Variants in C10orf67 observed in about 807,000 individuals in gnomAD.
C10orf67 encodes the protein chromosome 10 open reading frame 67, also known as uncharacterized protein C10orf67, mitochondrial.
A neutral mutation model predicts 35.6 loss-of-function variants in C10orf67; 60 were observed. The ratio of observed to expected loss-of-function variants is 1.68; its 90% CI spans 1.37 to 2.09. The LOEUF (loss-of-function observed/expected upper bound fraction) is 2.09, where lower values mean the gene tolerates loss of function less well. C10orf67 is among the 30% of genes most tolerant of loss of function. C10orf67 has a pLI of 0.00. For synonymous variants in C10orf67, 167 were observed against 115.8 expected, an observed-to-expected ratio of 1.44 and a Z score of -2.84; for missense variants, 474 against 330.2, an observed-to-expected ratio of 1.44 and a Z score of -3.38.
intron 13 of C10orf67, among the ~76,000 whole-genome samples, chr10:23,230,414 A>C (rs1047706919): frequency 6.6e-5 from 10 of 152,178 alleles, no homozygotes; most frequent in Non-Finnish European, 5.9e-5. Context: ...ACTCTTTTTA[A>C]AGAAGGCAGA....
At chr10:23,266,813 C>T (rs996214509) in intron 9 of C10orf67, among the ~76,000 whole-genome samples, 1 of 152,140 alleles carries the variant, frequency 6.6e-6, no homozygotes, top group Non-Finnish European at 1.5e-5. Context: ...TCCTGATGCC[C>T]CGCTAGCTGG....
At chr10:23,293,498 C>A in intron 5 of C10orf67, among the ~76,000 whole-genome samples, 1 of 152,166 alleles carries the variant, frequency 6.6e-6, no homozygotes, top group Middle Eastern at 3.2e-3. Flanking sequence ...GCCCACACTG[C>A]TAGTTTGTGT....
intron 4 of C10orf67, among the ~76,000 whole-genome samples, chr10:23,308,732 T>A (rs1282427102): frequency 6.6e-6 from 1 of 152,166 alleles, no homozygotes; most frequent in Non-Finnish European, 1.5e-5. Flanking sequence ...AGTGTCTCAG[T>A]GTTATCATTT....
At position 23,282,065 on chromosome 10, in the gene C10orf67, C is replaced by T. The variant is rs1225347776; in HGVS notation, c.923G>A (p.Arg308Lys). 8.4e-6 allele frequency: 5 copies of T among 595,040 alleles called. No homozygotes were observed. The highest frequency in any genetic ancestry group is 9.1e-6 in the Non-Finnish European group (3 of 329,212). The allele number at this position is 595,040 out of a possible 1,614,324, so 36.9% of individuals were successfully genotyped here. ...ATGAAGCTCTTCTCTTAATCTGTCT[C>T]TACTATCCATTAACTGAAATAGAGA... ...HKTIQKLMDS[R>K]DRLREELHYE... Residue 308 changes from arginine (R) to lysine (K), a missense_variant, in exon 8 of 16, where the codon AGA becomes AAA. Physicochemically the swap from Arg to Lys is conservative, Grantham distance 26. Transcript: ENST00000636213.
In C10orf67 at chr10:23,203,464, T is replaced by C. The variant is rs1006327875; in HGVS notation, c.*709A>G. The C allele has an allele frequency of 1.3e-5, 2 of 152,230 alleles. No individual in the cohort carries two copies. Among genetic ancestry groups the C allele is most frequent in the Non-Finnish European group, 2.9e-5 (2 of 68,042 alleles). 9.4% of individuals were successfully genotyped at this position (152,230 alleles called of 1,614,324 possible). ...CAGAGCCTACGATTCAGATACAGGC[T>C]CTTAACAAGGCCTTACTTGTAGTTA... is the stretch of plus-strand genomic sequence containing the variant. On this transcript the variant is annotated 3_prime_UTR_variant, in exon 16 of 16. Transcript: ENST00000636213.
chr10:23,239,237 A>G (rs1015178008), intron 13 of C10orf67, among the ~76,000 whole-genome samples: 17 of 152,336 alleles, frequency 1.1e-4, no homozygotes, highest in African/African-American at 3.1e-4. Flanking sequence ...GAAAACAGTA[A>G]GTCAAATAGG....
At chr10:23,224,884 T>G (rs1395888066) in intron 13 of C10orf67, among the ~76,000 whole-genome samples, 1 of 152,128 alleles carries the variant, frequency 6.6e-6, no homozygotes, top group African/African-American at 2.4e-5. Flanking sequence ...AGACCAAATC[T>G]ATGTCTGATT....
intron 8 of C10orf67, among the ~76,000 whole-genome samples, chr10:23,281,238 A>G (rs1843355235): frequency 6.6e-6 from 1 of 152,214 alleles, no homozygotes; most frequent in Non-Finnish European, 1.5e-5. Flanking sequence ...GAGAGTAACA[A>G]AACAGAGTTA....
At chr10:23,231,716 A>G (rs987037337) in intron 13 of C10orf67, among the ~76,000 whole-genome samples, 2 of 152,228 alleles carry the variant, frequency 1.3e-5, no homozygotes, top group Non-Finnish European at 2.9e-5. Context: ...GCTGAGAGCA[A>G]TAATACTCAT....
At chr10:23,250,758 G>T in intron 10 of C10orf67, 67 bp from the exon 11 acceptor site, 1 of 397,432 alleles carries the variant, frequency 2.5e-6, no homozygotes, top group East Asian at 3.6e-5. Context: ...CCATAAATCT[G>T]AAAAGACTAT....
intron 4 of C10orf67, among the ~76,000 whole-genome samples, chr10:23,316,247 G>A (rs958154722): frequency 1.3e-5 from 2 of 152,228 alleles, no homozygotes; most frequent in Non-Finnish European, 1.5e-5. Flanking sequence ...ACCAGGTGCT[G>A]ACAAAGGTGC....
In C10orf67 at chr10:23,292,725, A is replaced by ATGTG. The variant is rs35181915; in HGVS notation, c.703-1450_703-1447dup. On this transcript the variant is annotated intron_variant, in intron 5 of 15. Coordinates refer to ENST00000636213, the MANE Select transcript of C10orf67 (RefSeq NM_001371909.1). ...TAATGAAATTACGTATGGTATATAT[A>ATGTG]TGTGTGTGTGTGTGTGTGTAAGAGT... Among the ~76,000 whole-genome samples the ATGTG allele has an allele frequency of 1.4e-3, 218 of 151,236 alleles. 2 individuals carry two copies. In the East Asian group the frequency reaches 0.025, roughly 17 times the overall value.
At chr10:23,269,128 A>G (rs1239733510) in intron 8 of C10orf67, among the ~76,000 whole-genome samples, 1 of 152,236 alleles carries the variant, frequency 6.6e-6, no homozygotes, top group Non-Finnish European at 1.5e-5. Flanking sequence ...TTTAGAAAGG[A>G]CTGAAGAGCA....
At chr10:23,216,933 A>G (rs1212251665) in intron 15 of C10orf67, among the ~76,000 whole-genome samples, 3 of 152,226 alleles carry the variant, frequency 2.0e-5, no homozygotes, top group African/African-American at 7.2e-5. Flanking sequence ...TGACTCAAGC[A>G]TGGCAAAATC....
intron 8 of C10orf67, among the ~76,000 whole-genome samples, chr10:23,270,790 C>A (rs1842997207): frequency 6.6e-6 from 1 of 152,224 alleles, no homozygotes; most frequent in South Asian, 2.1e-4. Flanking sequence ...GGAGGAGTCT[C>A]CCACAATGCA....
In C10orf67 at chr10:23,204,082, A is replaced by G. The variant is rs1841091028; in HGVS notation, c.*91T>C. Reference sequence around the variant, plus strand: ...CAATTAGTTTAGAAAATCCTTGGAGATAGTATCCTTTCCGAGGGAGGCACC... The same window carrying G: ...CAATTAGTTTAGAAAATCCTTGGAGGTAGTATCCTTTCCGAGGGAGGCACC... On this transcript the variant is annotated 3_prime_UTR_variant, in exon 16 of 16. Transcript: ENST00000636213. 1 of 452,764 alleles carries G rather than the reference A, an allele frequency of 2.2e-6. No homozygotes were observed. Among genetic ancestry groups the G allele is most frequent in the Admixed American group, 4.2e-5 (1 of 23,836 alleles). The allele number at this position is 452,764 out of a possible 1,614,324, so 28.0% of individuals were successfully genotyped here. A position where few individuals can be genotyped will look rare whatever the true frequency, so the allele number is the denominator to read the frequency against.
At position 23,323,894 on chromosome 10, in the gene C10orf67, AATATATATATAT is replaced by A. The variant is rs137983793; in HGVS notation, c.328-1369_328-1358del. Among the ~76,000 whole-genome samples the A allele has an allele frequency of 4.5e-3, 192 of 42,784 alleles. 7 individuals are homozygous for A. The highest frequency in any genetic ancestry group is 6.4e-3 in the Non-Finnish European group (109 of 16,930). 28.1% of individuals were successfully genotyped at this position (42,784 alleles called of 152,430 possible). On this transcript the variant is annotated intron_variant, in intron 2 of 15. Transcript: ENST00000636213. Reference sequence around the variant, plus strand: ...GGGCAGCAGAGCAAGACTCCGTCTAAATATATATATATATATATATATATATATATATATATA... The same window carrying A: ...GGGCAGCAGAGCAAGACTCCGTCTAAATATATATATATATATATATATATA...
chr10:23,223,778 G>C lies in C10orf67; in HGVS notation c.1475C>G (p.Thr492Arg), dbSNP rs1249371721. 2.8e-6 allele frequency: 2 copies of C among 715,440 alleles called. No individual in the cohort carries two copies. The highest frequency in any genetic ancestry group is 5.2e-6 in the Non-Finnish European group (2 of 384,920). 44.3% of individuals were successfully genotyped at this position (715,440 alleles called of 1,614,324 possible). The change falls in exon 14 of 16, where the codon ACA becomes AGA. Residue 492 changes from threonine (T) to arginine (R), a missense_variant. Physicochemically the swap from Thr to Arg is moderately conservative, Grantham distance 71. Coordinates refer to ENST00000636213, the MANE Select transcript of C10orf67 (RefSeq NM_001371909.1). The part of the protein sequence containing the change: ...PLLVQSRTTM[T>R]AISSSSHCTS... ...ACAATGACTTGAAGAGGATATAGCT[G>C]TCATGGTCGTTCTAGACTGCACTAA...
At chr10:23,218,877 A>G (rs1288348908) in intron 15 of C10orf67, among the ~76,000 whole-genome samples, 1 of 152,220 alleles carries the variant, frequency 6.6e-6, no homozygotes, top group Non-Finnish European at 1.5e-5. Flanking sequence ...AATTATATCC[A>G]TTATAGCTGA....
Sources: gnomAD v4.1 joint callset for allele counts (sites outside exome capture counted in the v4.1 genomes callset) on GRCh38, gnomAD v4.1.1 for gene constraint, MANE v1.5 for transcripts, NCBI Gene and HGNC (gene_info 2026-07-23, HGNC 2026-07-21) for gene names.